LEF1: variants seen among roughly 807,000 people sequenced by gnomAD.
LEF1 encodes the protein lymphoid enhancer-binding factor 1.
Under a neutral mutation model 51.2 loss-of-function variants are expected in LEF1, and 14 were observed. That is an observed-to-expected ratio of 0.27 (90% CI 0.18 to 0.43). The LOEUF is 0.43. Ranked by LOEUF, LEF1 falls within the 20% of genes least tolerant of loss-of-function variation. LEF1 has a pLI of 1.00. For missense variants in LEF1, 386 were observed against 512.0 expected (o/e 0.75, Z 2.37); for synonymous variants, 185 against 183.2 (o/e 1.01, Z -0.08).
chr4:108,094,929 G>C (rs780010105), intron 3 of LEF1, among the ~76,000 whole-genome samples: 26 of 152,120 alleles, frequency 1.7e-4, no homozygotes, highest in Admixed American at 2.0e-4. Context: ...CTGAGAATCT[G>C]AGCTTCTCAA....
At chr4:108,136,075 G>A (rs910651886) in intron 3 of LEF1, among the ~76,000 whole-genome samples, 20 of 152,060 alleles carry the variant, frequency 1.3e-4, no homozygotes, top group African/African-American at 3.6e-4. Flanking sequence ...ATCTTTCAAG[G>A]GTTAAAATTC....
chr4:108,160,444 C>T (rs1744992474), intron 3 of LEF1, among the ~76,000 whole-genome samples: 1 of 152,170 alleles, frequency 6.6e-6, no homozygotes, highest in Admixed American at 6.5e-5. Flanking sequence ...CCAAAGTTTA[C>T]TATGCCCTAA....
chr4:108,099,576 A>ATATGTG (rs1172706758), intron 3 of LEF1, among the ~76,000 whole-genome samples: 3 of 39,550 alleles, frequency 7.6e-5, no homozygotes, highest in African/African-American at 1.7e-4. Context: ...GTGTGTATAT[A>ATATGTG]TATATATATA....
At chr4:108,112,614 A>G (rs969284100) in intron 3 of LEF1, among the ~76,000 whole-genome samples, 11 of 152,188 alleles carry the variant, frequency 7.2e-5, no homozygotes, top group African/African-American at 2.7e-4. Context: ...TACCTATTTC[A>G]TAGGGTTGTT....
intron 6 of LEF1, 50 bp from the exon 7 acceptor site, chr4:108,079,664 A>G: frequency 6.2e-7 from 1 of 1,607,990 alleles, no homozygotes; most frequent in Non-Finnish European, 8.5e-7. Flanking sequence ...TGTTGCAGCA[A>G]AAGCTAGATG....
chr4:108,078,377 G>C lies in LEF1; in HGVS notation c.851C>G (p.Pro284Arg). ...HTDSDLMHVK[P>R]QHEQRKEQEP... ...CTGCTCCTTTCTCTGTTCATGCTGA[G>C]GCTTCCTAAAAGGTGGTGGTGGTGG... Residue 284 changes from proline (P) to arginine (R), a missense_variant, in exon 8 of 12, where the codon CCT becomes CGT. By Grantham distance (103) the Pro-to-Arg change is moderately radical. Around this residue, in one of 2 missense-constraint regions of LEF1, gnomAD observed 335 missense variants for 390.7 expected, o/e 0.86. Transcript: ENST00000265165. The C allele has an allele frequency of 6.2e-7, 1 of 1,614,090 alleles. No individual in the cohort carries two copies. The highest frequency in any genetic ancestry group is 8.5e-7 in the Non-Finnish European group (1 of 1,180,036).
intron 3 of LEF1, among the ~76,000 whole-genome samples, chr4:108,137,037 T>C (rs1743309325): frequency 1.3e-5 from 2 of 152,200 alleles, no homozygotes; most frequent in Non-Finnish European, 1.5e-5. Flanking sequence ...TAAAATTGAC[T>C]TTAATGTTAG....
At chr4:108,124,909 G>C (rs1297272251) in intron 3 of LEF1, among the ~76,000 whole-genome samples, 1 of 152,158 alleles carries the variant, frequency 6.6e-6, no homozygotes, top group Non-Finnish European at 1.5e-5. Flanking sequence ...CCATACACTT[G>C]GATGGGGCAT....
intron 3 of LEF1, among the ~76,000 whole-genome samples, chr4:108,090,663 A>G (rs1739962455): frequency 6.6e-6 from 1 of 152,220 alleles, no homozygotes; most frequent in African/African-American, 2.4e-5. Flanking sequence ...AGTTAGGATA[A>G]CTGGGATATC....
At position 108,062,605 on chromosome 4, in the gene LEF1, G is replaced by A. The variant is rs567393795; in HGVS notation, c.*6+1018C>T. ...GAAGTACTGGCTAAGTTTCCAGGTC[G>A]GGAAGTGATGCACAATCTGAGTTGT... On this transcript the variant is annotated intron_variant, in intron 11 of 11. Transcript: ENST00000265165. Among the ~76,000 whole-genome samples, 8 of 152,290 alleles carry A rather than the reference G, an allele frequency of 5.3e-5. No homozygotes were observed. In the South Asian group the frequency reaches 8.3e-4, roughly 16 times the overall value.
chr4:108,134,058 C>T (rs1292266546), intron 3 of LEF1, among the ~76,000 whole-genome samples: 2 of 151,718 alleles, frequency 1.3e-5, no homozygotes, highest in Admixed American at 6.6e-5. Flanking sequence ...TCATCAAACA[C>T]ATTTGTATTT....
At chr4:108,083,016 T>C (rs555403126) in intron 5 of LEF1, among the ~76,000 whole-genome samples, 14 of 152,296 alleles carry the variant, frequency 9.2e-5, no homozygotes, top group African/African-American at 3.4e-4. Context: ...AAATATAAGT[T>C]GTTCATTAAA....
At chr4:108,126,804 C>A (rs1318214051) in intron 3 of LEF1, among the ~76,000 whole-genome samples, 610 of 97,058 alleles carry the variant, frequency 6.3e-3, no homozygotes, top group African/African-American at 0.011. Flanking sequence ...GACTTTCTCT[C>A]AAAAAAAAAA....
At chr4:108,164,687 A>G (rs1003374237) in intron 2 of LEF1, among the ~76,000 whole-genome samples, 1 of 152,238 alleles carries the variant, frequency 6.6e-6, no homozygotes, top group Non-Finnish European at 1.5e-5. Context: ...AACAAGAAAC[A>G]GCAATTTTGC....
chr4:108,093,320 T>C (rs1358987191), intron 3 of LEF1, among the ~76,000 whole-genome samples: 1 of 152,198 alleles, frequency 6.6e-6, no homozygotes, highest in Non-Finnish European at 1.5e-5. Context: ...TGCTGGCTAC[T>C]GTACACATAG....
At chr4:108,093,327 A>T (rs757503889) in intron 3 of LEF1, among the ~76,000 whole-genome samples, 4 of 152,132 alleles carry the variant, frequency 2.6e-5, no homozygotes, top group Non-Finnish European at 4.4e-5. Flanking sequence ...TACTGTACAC[A>T]TAGTAAGTAC....
At chr4:108,063,203 T>A (rs1737815464) in intron 11 of LEF1, among the ~76,000 whole-genome samples, 2 of 152,194 alleles carry the variant, frequency 1.3e-5, no homozygotes, top group South Asian at 4.1e-4. Context: ...AGAAAAAGTC[T>A]CTACTGAGCA....
intron 11 of LEF1, among the ~76,000 whole-genome samples, chr4:108,056,862 A>T (rs1169914044): frequency 6.6e-6 from 1 of 151,738 alleles, no homozygotes; most frequent in Non-Finnish European, 1.5e-5. Context: ...CCACTGTGGT[A>T]AAATGGCAGC....
intron 3 of LEF1, among the ~76,000 whole-genome samples, chr4:108,124,568 C>T (rs989535843): frequency 5.3e-5 from 8 of 152,114 alleles, no homozygotes; most frequent in African/African-American, 1.9e-4. Flanking sequence ...CAGGGTTTCA[C>T]CATGTTGGCC....
Sources: gnomAD v4.1 joint callset for allele counts (sites outside exome capture counted in the v4.1 genomes callset) on GRCh38, gnomAD v4.1.1 for gene constraint, gnomAD v4.1.1 regional missense constraint, MANE v1.5 for transcripts, NCBI Gene and HGNC (gene_info 2026-07-23, HGNC 2026-07-21) for gene names.